Variants in MYOM1 observed in about 807,000 individuals in gnomAD.
MYOM1 encodes myomesin 1, also known as myomesin-1.
MYOM1 carries 164 observed loss-of-function variants against 205.3 expected under a neutral mutation model. That is an observed-to-expected ratio of 0.80 (90% CI 0.70 to 0.91). The LOEUF (loss-of-function observed/expected upper bound fraction) is 0.91. Among genes scored for constraint, MYOM1 ranks in the 40% least tolerant of loss-of-function variants. The pLI is 0.00. For missense variants in MYOM1, 2,011 were observed against 2,127.3 expected (o/e 0.95, Z 1.08); for synonymous variants, 772 against 789.4 (o/e 0.98, Z 0.37).
rs774528919 is a variant in MYOM1 at position 3,067,298 on chromosome 18, G to A, written c.5022C>T (p.Ala1674=). The A allele has an allele frequency of 6.2e-7, 1 of 1,609,862 alleles. No individual in the cohort carries two copies. The highest frequency in any genetic ancestry group is 8.5e-7 in the Non-Finnish European group (1 of 1,178,978). ...TCTTGCCACCTTTCAGGGACTCCAAGGCGGCCATCCTCGCCTCCTCCTCTG... is the reference window on the plus strand; with the variant it reads ...TCTTGCCACCTTTCAGGGACTCCAAAGCGGCCATCCTCGCCTCCTCCTCTG... ...FIPEEEARMA[A]LESLKGGKKA... Residue 1674 remains alanine, a synonymous_variant, in exon 38 of 38, where the codon GCC becomes GCT. Transcript: ENST00000356443.
intron 20 of MYOM1, among the ~76,000 whole-genome samples, chr18:3,117,074 C>T (rs1361779696): frequency 6.6e-6 from 1 of 152,110 alleles, no homozygotes; most frequent in Non-Finnish European, 1.5e-5. Flanking sequence ...CCAGGCTGGT[C>T]TTGAACTCTT....
intron 2 of MYOM1, among the ~76,000 whole-genome samples, chr18:3,203,295 G>T (rs2144216227): frequency 6.7e-6 from 1 of 149,790 alleles, no homozygotes; most frequent in Middle Eastern, 3.5e-3. Context: ...GACTAGAGGG[G>T]AAATAAATGA....
chr18:3,221,057 G>A (rs1401211561), upstream of MYOM1, among the ~76,000 whole-genome samples: 2 of 152,190 alleles, frequency 1.3e-5, no homozygotes, highest in Non-Finnish European at 2.9e-5. Context: ...GTCTCACTCT[G>A]TTGCCCAGGC....
chr18:3,167,700 A>G (rs557360814), intron 9 of MYOM1, among the ~76,000 whole-genome samples: 341 of 152,194 alleles, frequency 2.2e-3, no homozygotes, highest in African/African-American at 8.0e-3. Flanking sequence ...TTATTTTAGA[A>G]ATAGCATTAT....
rs371861150 is a variant in MYOM1, at chr18:3,151,734, G to A, written c.1803C>T (p.Pro601=). The A allele has an allele frequency of 2.4e-4, 392 of 1,613,720 alleles. 2 individuals carry two copies. In the African/African-American group the frequency reaches 4.6e-3, roughly 19 times the overall value. ...GIGFPSRVSE[P]VAALDPAEKA... is the part of the protein sequence containing the mutation. Reference sequence around the variant, plus strand: ...TCTCAGCCGGATCCAGAGCAGCCACGGGCTCGGAAACTCGAGATGGGAAAC... The same window carrying A: ...TCTCAGCCGGATCCAGAGCAGCCACAGGCTCGGAAACTCGAGATGGGAAAC... Residue 601 remains proline, a synonymous_variant, in exon 12 of 38, where the codon CCC becomes CCT. Transcript: ENST00000356443.
At chr18:3,236,638 G>A in the MYOM1 span, 1 of 152,208 alleles carries the variant, frequency 6.6e-6, no homozygotes, top group Non-Finnish European at 1.5e-5. Flanking sequence ...GGAGTGTGAA[G>A]GTTTACATGC....
intron 3 of MYOM1, among the ~76,000 whole-genome samples, chr18:3,191,066 A>G (rs1016805981): frequency 1.3e-5 from 2 of 152,226 alleles, no homozygotes; most frequent in African/African-American, 4.8e-5. Context: ...TTTAAGTAAA[A>G]GTCAGGATTT....
At chr18:3,116,797 C>T (rs1403129257) in intron 20 of MYOM1, among the ~76,000 whole-genome samples, 1 of 152,174 alleles carries the variant, frequency 6.6e-6, no homozygotes, top group Non-Finnish European at 1.5e-5. Flanking sequence ...CATTCTCTGG[C>T]CTGCATTAGT....
chr18:3,188,191 T>G (rs1353631076), intron 4 of MYOM1, among the ~76,000 whole-genome samples: 2 of 152,158 alleles, frequency 1.3e-5, no homozygotes, highest in Admixed American at 1.3e-4. Context: ...AAATCTTTAA[T>G]TTTCTTAAAA....
chr18:3,238,708 G>A, the MYOM1 span, among the ~76,000 whole-genome samples: 56 of 152,176 alleles, frequency 3.7e-4, no homozygotes, highest in Non-Finnish European at 3.8e-4. Flanking sequence ...GAAGTCCAAT[G>A]TGGATCTCAC....
chr18:3,180,927 T>C (rs940091143), intron 5 of MYOM1, among the ~76,000 whole-genome samples: 3 of 143,962 alleles, frequency 2.1e-5, no homozygotes, highest in African/African-American at 8.0e-5. Context: ...GAGATGATCT[T>C]TTTTTTTTTT....
chr18:3,125,102 T>C (rs968001346), intron 19 of MYOM1, among the ~76,000 whole-genome samples: 1 of 152,146 alleles, frequency 6.6e-6, no homozygotes, highest in Non-Finnish European at 1.5e-5. Flanking sequence ...GCTGAAAATG[T>C]GTGAATAGAC....
In MYOM1 at chr18:3,116,349, A is replaced by T; in HGVS notation, c.3285T>A (p.Ile1095=). The T allele has an allele frequency of 6.2e-7, 1 of 1,611,726 alleles. No homozygotes were observed. Among genetic ancestry groups the T allele is most frequent in the East Asian group, 2.2e-5 (1 of 44,870 alleles). ...DQWRGLNEAA[I]KNVYLKVRGL... is the part of the protein sequence containing the mutation. The stretch of plus-strand genomic sequence containing the variant: ...CTCTTACCTTCAGGTATACGTTTTT[A>T]ATAGCCGCCTCATTGAGCCCTCGCC... Residue 1095 remains isoleucine, a synonymous_variant, in exon 21 of 38, where the codon ATT becomes ATA. Transcript: ENST00000356443.
intron 22 of MYOM1, among the ~76,000 whole-genome samples, chr18:3,110,584 T>C (rs1004701955): frequency 2.6e-5 from 4 of 152,218 alleles, no homozygotes; most frequent in Non-Finnish European, 4.4e-5. Flanking sequence ...TCTCAGCACA[T>C]GTACAGAAAA....
chr18:3,213,642 T>G (rs2081218372), intron 2 of MYOM1, among the ~76,000 whole-genome samples: 1 of 152,238 alleles, frequency 6.6e-6, no homozygotes, highest in African/African-American at 2.4e-5. Context: ...GTTGCTGTTG[T>G]AAAGTGTCAT....
chr18:3,156,246 T>C (rs6506074), intron 10 of MYOM1, among the ~76,000 whole-genome samples: 99,885 of 152,116 alleles, frequency 0.66, 32,995 homozygotes, highest in African/African-American at 0.71. Flanking sequence ...TAGAAGAGGC[T>C]GAGACATGCA....
rs1342624548 is a variant in MYOM1 at position 3,214,480 on chromosome 18, A to G, written c.290+454T>C. ...GGCACGGGTCCCGGGTCTCCCAAAC[A>G]AGGTCTGTCTGCACACTTGGTTGAA... On this transcript the variant is annotated intron_variant, in intron 2 of 37. Transcript: ENST00000356443. Among the ~76,000 whole-genome samples, 6 of 152,320 alleles carry G rather than the reference A, an allele frequency of 3.9e-5. No individual in the cohort carries two copies. The East Asian group carries it at 5.8e-4, about 15-fold the overall frequency.
intron 13 of MYOM1, among the ~76,000 whole-genome samples, chr18:3,147,125 T>TATATATTTATATATAAA (rs36163112): frequency 1.4e-5 from 2 of 139,056 alleles, no homozygotes; most frequent in Non-Finnish European, 3.1e-5. Flanking sequence ...TATATAAATA[T>TATATATTTATATATAAA]TATATATTAT....
chr18:3,157,291 T>A (rs2080314501), intron 10 of MYOM1, among the ~76,000 whole-genome samples: 1 of 152,178 alleles, frequency 6.6e-6, no homozygotes, highest in Non-Finnish European at 1.5e-5. Context: ...GGCTTGACAA[T>A]CTTCCAAGTT....
Sources: allele counts gnomAD v4.1 joint callset (sites outside exome capture counted in the v4.1 genomes callset), GRCh38; gene constraint gnomAD v4.1.1; transcripts MANE v1.5; gene names NCBI Gene and HGNC (gene_info 2026-07-23, HGNC 2026-07-21).